Variants in ARHGAP45 observed in about 807,000 individuals in gnomAD.
ARHGAP45 encodes Rho GTPase activating protein 45.
A neutral mutation model predicts 116.1 loss-of-function variants in ARHGAP45; 56 were observed. The observed-to-expected ratio is 0.48, with a 90% confidence interval of 0.39 to 0.60. The LOEUF (loss-of-function observed/expected upper bound fraction) is 0.60, where lower values mean the gene tolerates loss of function less well. Ranked by LOEUF, ARHGAP45 falls within the 20% of genes least tolerant of loss-of-function variation. The pLI is 0.00. For missense variants in ARHGAP45, 1,622 were observed against 1,601.0 expected, an observed-to-expected ratio of 1.01 and a Z score of -0.22; for synonymous variants, 866 against 701.7, an observed-to-expected ratio of 1.23 and a Z score of -3.70.
At chr19:1,082,752 G>A (rs2043477334) in intron 19 of ARHGAP45, 88 bp from the exon 20 acceptor site, 4 of 1,161,652 alleles carry the variant, frequency 3.4e-6, no homozygotes, top group Admixed American at 3.0e-5. Flanking sequence ...GTGCTCTGTG[G>A]GGGTGGGGCT....
rs1395655333 is a variant in ARHGAP45 at position 1,068,750 on chromosome 19, A to G, written c.421+6A>G. 1.2e-6 allele frequency: 2 copies of G among 1,608,394 alleles called. No individual in the cohort carries two copies. Among genetic ancestry groups the G allele is most frequent in the Admixed American group, 1.7e-5 (1 of 59,824 alleles). ...GGAGTGTGTGTTGCGTGACGGTGAGAGCCACGGGGACACCGAGGCCTGGGT... is the reference window on the plus strand; with the variant it reads ...GGAGTGTGTGTTGCGTGACGGTGAGGGCCACGGGGACACCGAGGCCTGGGT... On this transcript the variant is annotated splice_donor_region_variant and intron_variant, in intron 2 of 22. Coordinates refer to ENST00000313093, the MANE Select transcript of ARHGAP45 (RefSeq NM_012292.5). This position sits in a 1 kb window ranked among gnomAD's most constrained non-coding sequence, Gnocchi z 7.5.
In ARHGAP45 at chr19:1,081,901, C is replaced by G. The variant is rs764377833; in HGVS notation, c.2457C>G (p.Val819=). 2.8e-5 allele frequency: 45 copies of G among 1,612,950 alleles called. No homozygotes were observed. The highest frequency in any genetic ancestry group is 3.8e-5 in the Non-Finnish European group (45 of 1,179,890). ...CCTTCGAGAACGGCAAGGAGCTGGTCGAGCTGTCGCAGGCCTCGCCCCACG... is the reference window on the plus strand; with the variant it reads ...CCTTCGAGAACGGCAAGGAGCTGGTGGAGCTGTCGCAGGCCTCGCCCCACG... The part of the protein sequence containing the change: ...CQAFENGKEL[V]ELSQASPHDI... The change falls in exon 19 of 23, where the codon GTC becomes GTG. Residue 819 remains valine (V), a synonymous_variant. Transcript: ENST00000313093.
At chr19:1,078,167 G>A (rs1161880996) in intron 11 of ARHGAP45, 122 bp downstream of exon 11, 11 of 1,419,136 alleles carry the variant, frequency 7.8e-6, no homozygotes, top group African/African-American at 2.9e-5. Context: ...TTTTTGAGAC[G>A]GAGTCTTGCT....
At position 1,084,289 on chromosome 19, in the gene ARHGAP45, G is replaced by A. The variant is rs747149889; in HGVS notation, c.3007G>A (p.Glu1003Lys). ...GGTAGTCGTCCAGGTGCCGTACCTG[G>A]AGGCGGGCGAGGCGGTGGTCTACCC... ...AEVVVQVPYL[E>K]AGEAVVYPLQ... Residue 1003 changes from glutamate (E) to lysine (K), a missense_variant, in exon 22 of 23, where the codon GAG (glutamate) becomes AAG (lysine). Transcript: ENST00000313093. The A allele has an allele frequency of 6.2e-7, 1 of 1,612,942 alleles. No individual in the cohort carries two copies.
rs776032894 is a variant in ARHGAP45, at chr19:1,082,834, G to A, written c.2518-6G>A. The A allele has an allele frequency of 5.4e-6, 8 of 1,488,626 alleles. No homozygotes were observed. The South Asian group carries it at 5.5e-5, about 10-fold the overall frequency. The allele number at this position is 1,488,626 out of a possible 1,614,324, so 92.2% of individuals were successfully genotyped here. On this transcript the variant is annotated splice_polypyrimidine_tract_variant and splice_region_variant and intron_variant, in intron 19 of 22. Coordinates refer to ENST00000313093, the MANE Select transcript of ARHGAP45 (RefSeq NM_012292.5). ...CCAACACCTGCTGACCCTTGACTCT[G>A]CGCAGCTTCCCGAGCCGCTCATCTC... is the stretch of plus-strand genomic sequence containing the variant.
upstream of ARHGAP45, chr19:1,066,260 GGA>G: frequency 1.1e-6 from 1 of 896,242 alleles, no homozygotes; most frequent in Non-Finnish European, 1.6e-6. Context: ...TGGGGAGGGG[GGA>G]GAGAGTTCAC....
chr19:1,072,575 G>A (rs1309505912), intron 2 of ARHGAP45, among the ~76,000 whole-genome samples: 1 of 152,212 alleles, frequency 6.6e-6, no homozygotes, highest in Non-Finnish European at 1.5e-5. Flanking sequence ...GTGAAAGCCA[G>A]GTTCCAACAG....
intron 10 of ARHGAP45, among the ~76,000 whole-genome samples, chr19:1,076,141 T>C (rs2043242581): frequency 6.6e-6 from 1 of 152,128 alleles, no homozygotes; most frequent in Non-Finnish European, 1.5e-5. Context: ...GACAAGCTTG[T>C]GCCCCTGTCT....
chr19:1,074,034 C>T lies in ARHGAP45; in HGVS notation c.790+20C>T. The T allele has an allele frequency of 6.3e-7, 1 of 1,598,244 alleles. No individual in the cohort carries two copies. The highest frequency in any genetic ancestry group is 1.3e-5 in the African/African-American group (1 of 74,632). ...ACGCCGGTAAGCCCCCACCCAGCGG[C>T]AGGCAGGCATTTGAGGGGTGGGCCA... On this transcript the variant is annotated intron_variant, in intron 6 of 22. Coordinates refer to ENST00000313093, the MANE Select transcript of ARHGAP45 (RefSeq NM_012292.5).
Position 1,068,707 on chromosome 19 carries a change from G to C in ARHGAP45, c.384G>C (p.Glu128Asp), listed in dbSNP as rs761820917. 2.2e-5 allele frequency: 35 copies of C among 1,612,680 alleles called. No individual in the cohort carries two copies. The South Asian group carries it at 3.1e-4, about 14-fold the overall frequency. The part of the protein sequence containing the change: ...HLLADVARFA[E>D]GLEKLKECVL... ...TGGCGGACGTGGCCCGCTTCGCTGA[G>C]GGCCTTGAGAAACTTAAGGAGTGTG... is the stretch of plus-strand genomic sequence containing the variant. Residue 128 changes from glutamate (E) to aspartate (D), a missense_variant, in exon 2 of 23, where the codon GAG becomes GAC. Coordinates refer to ENST00000313093, the MANE Select transcript of ARHGAP45 (RefSeq NM_012292.5). The surrounding 1 kb of genome is among the most constrained non-coding windows in gnomAD (Gnocchi z 7.5).
In ARHGAP45 at chr19:1,067,445, T is replaced by C. The variant is rs776846656; in HGVS notation, c.40T>C (p.Ser14Pro). The change falls in exon 1 of 23, where the codon TCC becomes CCC. Residue 14 changes from serine (S) to proline (P), a missense_variant. Physicochemically the swap from Ser to Pro is moderately conservative, Grantham distance 74. This residue lies in a region of ARHGAP45 where 279 missense variants were observed against 311.9 expected (regional missense o/e 0.89). Transcript: ENST00000313093. ...GAAACGAGAGCTCATGAAAACCCCT[T>C]CCATCTCGAAAAAGAACCGCGCGGG... ...RKKRELMKTP[S>P]ISKKNRAGSP... 6.2e-7 allele frequency: 1 copy of C among 1,604,530 alleles called. No homozygotes were observed.
rs189757612 is a variant in ARHGAP45 at position 1,081,762 on chromosome 19, C to T, written c.2379+24C>T. The stretch of plus-strand genomic sequence containing the variant: ...AGGTGAGGCGGGGGAGGAAGCGGCT[C>T]ACAGCGAGGAGGCGGGAGTGGGCCG... On this transcript the variant is annotated intron_variant, in intron 18 of 22. Transcript: ENST00000313093. 625 of 1,560,032 alleles carry T rather than the reference C, an allele frequency of 4.0e-4. 3 individuals carry two copies. In the East Asian group the frequency reaches 0.013, roughly 32 times the overall value.
chr19:1,071,269 C>G lies in ARHGAP45; in HGVS notation c.422-1880C>G. Reference sequence around the variant, plus strand: ...CCAGGCCCCACGCGCTCGCGGTCTCCGCGCCCCGACGGCTGCGCCATGTGT... The same window carrying G: ...CCAGGCCCCACGCGCTCGCGGTCTCGGCGCCCCGACGGCTGCGCCATGTGT... On this transcript the variant is annotated intron_variant, in intron 2 of 22. Transcript: ENST00000313093. The surrounding 1 kb of genome is among the most constrained non-coding windows in gnomAD (Gnocchi z 4.6). 1 of 1,479,980 alleles carries G rather than the reference C, an allele frequency of 6.8e-7. No homozygotes were observed. The highest frequency in any genetic ancestry group is 8.9e-7 in the Non-Finnish European group (1 of 1,120,132). 91.7% of individuals were successfully genotyped at this position (1,479,980 alleles called of 1,614,324 possible). A position where few individuals can be genotyped will look rare whatever the true frequency, so the allele number is the denominator to read the frequency against.
At chr19:1,066,560 T>C (rs1269337678), upstream of ARHGAP45, 1 of 191,720 alleles carries the variant, frequency 5.2e-6, no homozygotes, top group South Asian at 9.0e-5. Context: ...CACCACACTT[T>C]GGGGACCCCT....
rs769843939 is a variant in ARHGAP45, at chr19:1,079,684, C to T, written c.1375-19C>T. ...CCCCGGGCTGAGGCCTCTCTCTGTG[C>T]GCCCCGCCCCCACCGCAGGCGGAGG... On this transcript the variant is annotated intron_variant, in intron 11 of 22. Coordinates refer to ENST00000313093, the MANE Select transcript of ARHGAP45 (RefSeq NM_012292.5). 2.5e-5 allele frequency: 41 copies of T among 1,611,348 alleles called. No homozygotes were observed. The Admixed American group carries it at 3.0e-4, about 12-fold the overall frequency.
At chr19:1,066,022 C>G (rs1306931150), upstream of ARHGAP45, 1 of 1,535,204 alleles carries the variant, frequency 6.5e-7, no homozygotes, top group Admixed American at 2.0e-5. Context: ...CAGCCCTCAG[C>G]GCCATGAGTC....
chr19:1,071,168 G>C lies in ARHGAP45; in HGVS notation c.422-1981G>C. ...TGGGGCGAACGGGACCCCAGGGCGG[G>C]GTTTCCCTCGCGGGGGCGGGGCCTC... is the stretch of plus-strand genomic sequence containing the variant. On this transcript the variant is annotated intron_variant, in intron 2 of 22. Coordinates refer to ENST00000313093, the MANE Select transcript of ARHGAP45 (RefSeq NM_012292.5). This position sits in a 1 kb window ranked among gnomAD's most constrained non-coding sequence, Gnocchi z 4.6. 1 of 1,326,848 alleles carries C rather than the reference G, an allele frequency of 7.5e-7. No individual in the cohort carries two copies. The highest frequency in any genetic ancestry group is 1.6e-5 in the South Asian group (1 of 63,286). The allele number at this position is 1,326,848 out of a possible 1,614,324, so 82.2% of individuals were successfully genotyped here. A position where few individuals can be genotyped will look rare whatever the true frequency, so the allele number is the denominator to read the frequency against.
chr19:1,080,684 G>A lies in ARHGAP45; in HGVS notation c.1915G>A (p.Asp639Asn), dbSNP rs751999074. The A allele has an allele frequency of 5.0e-6, 8 of 1,613,262 alleles. No individual in the cohort carries two copies. The highest frequency in any genetic ancestry group is 5.1e-6 in the Non-Finnish European group (6 of 1,179,888). The change falls in exon 16 of 23, where the codon GAC becomes AAC. Residue 639 changes from aspartate (D) to asparagine (N), a missense_variant and splice_region_variant. Asp to Asn is a conservative substitution (Grantham distance 23). Around this residue, in one of 3 missense-constraint regions of ARHGAP45, gnomAD observed 1,334 missense variants for 1,263.8 expected, o/e 1.06. Coordinates refer to ENST00000313093, the MANE Select transcript of ARHGAP45 (RefSeq NM_012292.5). ...SGLDPGPGAG[D>N]FKKFERTSSS... Reference sequence around the variant, plus strand: ...GAACAGTCCTGATTCCCGCCCAGGGGACTTTAAGAAGTTCGAGCGGACGTC... The same window carrying A: ...GAACAGTCCTGATTCCCGCCCAGGGAACTTTAAGAAGTTCGAGCGGACGTC...
chr19:1,077,929 C>T lies in ARHGAP45; in HGVS notation c.1258C>T (p.Arg420Cys), dbSNP rs1568467494. The T allele has an allele frequency of 2.6e-6, 4 of 1,553,628 alleles. No homozygotes were observed. The highest frequency in any genetic ancestry group is 2.6e-6 in the Non-Finnish European group (3 of 1,148,098). Residue 420 changes from arginine to cysteine, a missense_variant, in exon 11 of 23, where the codon CGC (arginine) becomes TGC (cysteine). By Grantham distance (180) the Arg-to-Cys change is radical. Transcript: ENST00000313093. ...VQRCEDHDKARFLVAKAEEEQ... is the reference protein window; with the variant it reads ...VQRCEDHDKACFLVAKAEEEQ... ...GCGCTGCGAGGACCACGACAAGGCT[C>T]GCTTCCTCGTGGCCAAGGCGGAGGA...
Sources: allele counts gnomAD v4.1 joint callset (sites outside exome capture counted in the v4.1 genomes callset), GRCh38; gene constraint gnomAD v4.1.1; regional missense constraint gnomAD v4.1.1; non-coding constraint Gnocchi (gnomAD v3.1); transcripts MANE v1.5; gene names NCBI Gene and HGNC (gene_info 2026-07-23, HGNC 2026-07-21).